SRPK2: variants seen among roughly 807,000 people sequenced by gnomAD.
SRPK2 encodes the protein SRSF protein kinase 2, also known as SFRS protein kinase 2.
SRPK2 carries 21 observed loss-of-function variants against 90.8 expected under a neutral mutation model. The ratio of observed to expected loss-of-function variants is 0.23; its 90% CI spans 0.16 to 0.33. The LOEUF (loss-of-function observed/expected upper bound fraction) is 0.33, where lower values mean the gene tolerates loss of function less well. SRPK2 is among the 10% of genes least tolerant of loss of function. SRPK2 has a pLI of 1.00. For missense variants in SRPK2, 620 were observed against 869.0 expected, an observed-to-expected ratio of 0.71 and a Z score of 3.60; for synonymous variants, 288 against 311.1, an observed-to-expected ratio of 0.93 and a Z score of 0.78.
At chr7:105,389,684 GT>G (rs1822093442), upstream of SRPK2, among the ~76,000 whole-genome samples, 1 of 152,184 alleles carries the variant, frequency 6.6e-6, no homozygotes, top group African/African-American at 2.4e-5. Flanking sequence ...AGGTTAAAAA[GT>G]TTAACCAGCC....
chr7:105,268,730 G>GAA, intron 2 of SRPK2: 2 of 1,472,484 alleles, frequency 1.4e-6, no homozygotes, highest in Non-Finnish European at 1.9e-6. Context: ...AACTTGACAA[G>GAA]AAAAAAAAAT....
chr7:105,305,171 G>A (rs1811005061), intron 2 of SRPK2, among the ~76,000 whole-genome samples: 1 of 152,206 alleles, frequency 6.6e-6, no homozygotes, highest in South Asian at 2.1e-4. Context: ...CAGGCGCTGT[G>A]GCTCATGCCT....
At chr7:105,140,619 G>A (rs184447501) in intron 11 of SRPK2, among the ~76,000 whole-genome samples, 157 of 151,474 alleles carry the variant, frequency 1.0e-3, no homozygotes, top group African/African-American at 3.2e-3. Context: ...ATAAATAAAT[G>A]AATGAATAAA....
downstream of SRPK2, among the ~76,000 whole-genome samples, chr7:105,115,908 T>C (rs1144): frequency 0.31 from 47,583 of 151,868 alleles, 7,738 homozygotes; most frequent in Admixed American, 0.36. Context: ...ATCACCAGTC[T>C]ACAGCCACTA....
At chr7:105,153,781 G>C (rs966592831) in intron 7 of SRPK2, among the ~76,000 whole-genome samples, 9 of 152,106 alleles carry the variant, frequency 5.9e-5, no homozygotes, top group Non-Finnish European at 1.3e-4. Context: ...AACCCACGTG[G>C]GCAGCCAGAT....
chr7:105,173,580 G>C (rs113216998), intron 3 of SRPK2, among the ~76,000 whole-genome samples: 2,335 of 152,228 alleles, frequency 0.015, 60 homozygotes, highest in African/African-American at 0.051. Context: ...CACCAGAAAT[G>C]ACCCCAATTC....
At chr7:105,354,684 T>C (rs1817588323) in intron 2 of SRPK2, among the ~76,000 whole-genome samples, 1 of 152,186 alleles carries the variant, frequency 6.6e-6, no homozygotes, top group South Asian at 2.1e-4. Flanking sequence ...GAACAGACAT[T>C]GCTACTCCTA....
At chr7:105,136,110 C>T (rs1367748790) in intron 11 of SRPK2, among the ~76,000 whole-genome samples, 1 of 152,142 alleles carries the variant, frequency 6.6e-6, no homozygotes, top group Non-Finnish European at 1.5e-5. Context: ...CATTAAGGTT[C>T]ACTGAACAGA....
At chr7:105,366,095 C>T (rs1262029885) in intron 2 of SRPK2, among the ~76,000 whole-genome samples, 6 of 152,086 alleles carry the variant, frequency 3.9e-5, no homozygotes, top group Non-Finnish European at 8.8e-5. Flanking sequence ...CCTTGTGATC[C>T]GCCCACCTCG....
intron 2 of SRPK2, among the ~76,000 whole-genome samples, chr7:105,382,488 G>A (rs552678361): frequency 7.0e-6 from 1 of 142,054 alleles, no homozygotes; most frequent in Admixed American, 7.6e-5. Context: ...GGAAGCGGAG[G>A]TTACGGTGAG....
chr7:105,387,754 A>C (rs1563322262), intron 2 of SRPK2, among the ~76,000 whole-genome samples: 1 of 152,222 alleles, frequency 6.6e-6, no homozygotes, highest in Non-Finnish European at 1.5e-5. Context: ...AGGAAGAGAT[A>C]ACGATGTCGA....
chr7:105,348,281 G>C (rs913811484), intron 2 of SRPK2, among the ~76,000 whole-genome samples: 7 of 151,812 alleles, frequency 4.6e-5, no homozygotes, highest in African/African-American at 1.7e-4. Flanking sequence ...ATGTTGGTCA[G>C]ACTGGTCTGG....
chr7:105,393,917 A>G (rs1822248065), upstream of SRPK2, among the ~76,000 whole-genome samples: 2 of 152,008 alleles, frequency 1.3e-5, no homozygotes, highest in Admixed American at 1.3e-4. Context: ...CAACCTGAGC[A>G]ATAGAGCAAG....
rs59040708 is a variant in SRPK2 at position 105,247,531 on chromosome 7, A to AACACACACACACACACACACACACAC, written c.72-43772_72-43747dup. On this transcript the variant is annotated intron_variant, in intron 2 of 15. Coordinates refer to ENST00000393651, the MANE Select transcript of SRPK2 (RefSeq NM_182692.3). ...ATACCAAAAAACACACACACACATA[A>AACACACACACACACACACACACACAC]ACACACACACACACACACACACACA... 5.0e-4 allele frequency among the ~76,000 whole-genome samples: 72 copies of AACACACACACACACACACACACACAC among 145,260 alleles called. 1 individual carries two copies. The highest frequency in any genetic ancestry group is 6.9e-4 in the Non-Finnish European group (46 of 66,442).
chr7:105,145,690 T>C (rs1011497102), intron 8 of SRPK2, among the ~76,000 whole-genome samples: 7 of 152,330 alleles, frequency 4.6e-5, no homozygotes, highest in African/African-American at 1.7e-4. Flanking sequence ...TAGATGTACA[T>C]CGATATTTGG....
At chr7:105,248,937 A>C (rs1802104268) in intron 2 of SRPK2, among the ~76,000 whole-genome samples, 1 of 152,140 alleles carries the variant, frequency 6.6e-6, no homozygotes, top group African/African-American at 2.4e-5. Flanking sequence ...AAAAAAAAAA[A>C]AAAATTCAAA....
In SRPK2 at chr7:105,148,042, C is replaced by A. The variant is rs190864291; in HGVS notation, c.622-1384G>T. Among the ~76,000 whole-genome samples, 312 of 152,294 alleles carry A rather than the reference C, an allele frequency of 2.0e-3. 1 individual carries two copies. The highest frequency in any genetic ancestry group is 7.2e-3 in the African/African-American group (300 of 41,546). On this transcript the variant is annotated intron_variant, in intron 7 of 15. Coordinates refer to ENST00000393651, the MANE Select transcript of SRPK2 (RefSeq NM_182692.3). ...TACCTAGGAGTTACCGTACTTAGGT[C>A]ATATGGTGCCTCTATATTTAGCTTT...
chr7:105,292,882 CTT>C (rs369596699), intron 2 of SRPK2, among the ~76,000 whole-genome samples: 1 of 152,230 alleles, frequency 6.6e-6, no homozygotes, highest in Non-Finnish European at 1.5e-5. Context: ...TGCTCTCTCT[CTT>C]GAGGGTTCCA....
chr7:105,249,448 G>C (rs919737264), intron 2 of SRPK2, among the ~76,000 whole-genome samples: 1 of 151,826 alleles, frequency 6.6e-6, no homozygotes, highest in Admixed American at 6.6e-5. Flanking sequence ...TAGAAGAACA[G>C]TACTAGTATA....
Sources: gnomAD v4.1 joint callset for allele counts (sites outside exome capture counted in the v4.1 genomes callset) on GRCh38, gnomAD v4.1.1 for gene constraint, MANE v1.5 for transcripts, NCBI Gene and HGNC (gene_info 2026-07-23, HGNC 2026-07-21) for gene names.